Variants in MMS22L observed in about 807,000 individuals in gnomAD.
The protein encoded by MMS22L is protein MMS22-like.
In MMS22L, 74 loss-of-function variants were observed where a neutral mutation model predicts 159.1. That is an observed-to-expected ratio of 0.47 (90% CI 0.39 to 0.56). MMS22L has a LOEUF of 0.56. Among genes scored for constraint, MMS22L ranks in the 20% least tolerant of loss-of-function variants. The pLI is 0.00. For synonymous variants in MMS22L, 517 were observed against 506.9 expected (o/e 1.02, Z -0.27); for missense variants, 1,351 against 1,422.1 (o/e 0.95, Z 0.80).
rs1485325257 is a variant in MMS22L at position 97,144,510 on chromosome 6, A to G, written c.*2296T>C. On this transcript the variant is annotated 3_prime_UTR_variant, in exon 25 of 25. Transcript: ENST00000683635. ...CCATTGTGGAAATGATGGGAAGATAAAAGAAAATACAATTGTCACAGAGAG... is the reference window on the plus strand; with the variant it reads ...CCATTGTGGAAATGATGGGAAGATAGAAGAAAATACAATTGTCACAGAGAG... 6.6e-6 allele frequency: 1 copy of G among 152,320 alleles called. No individual in the cohort carries two copies. Among genetic ancestry groups the G allele is most frequent in the Non-Finnish European group, 1.5e-5 (1 of 68,124 alleles). The allele number at this position is 152,320 out of a possible 1,614,324, so 9.4% of individuals were successfully genotyped here. A position where few individuals can be genotyped will look rare whatever the true frequency, so the allele number is the denominator to read the frequency against.
intron 14 of MMS22L, among the ~76,000 whole-genome samples, chr6:97,195,812 CTAAT>C (rs1806432461): frequency 6.6e-6 from 1 of 152,068 alleles, no homozygotes; most frequent in Admixed American, 6.6e-5. Context: ...ATAAAAGAAA[CTAAT>C]TAAGAAGCTT....
chr6:97,259,062 CA>C (rs1286510422), intron 9 of MMS22L: 1 of 152,102 alleles, frequency 6.6e-6, no homozygotes, highest in African/African-American at 2.4e-5. Flanking sequence ...CCACCAATCT[CA>C]ATAGTTTGTC....
chr6:97,222,811 T>C (rs537297345), intron 14 of MMS22L, among the ~76,000 whole-genome samples: 2 of 152,182 alleles, frequency 1.3e-5, no homozygotes, highest in African/African-American at 4.8e-5. Flanking sequence ...AGGTTTATAA[T>C]GGAAATGCTG....
intron 9 of MMS22L, among the ~76,000 whole-genome samples, chr6:97,262,657 C>A (rs370199767): frequency 8.4e-3 from 888 of 105,708 alleles, no homozygotes; most frequent in African/African-American, 0.01. Flanking sequence ...AAGACTGCCT[C>A]AAAAAAAAAA....
At position 97,165,276 on chromosome 6, in the gene MMS22L, G is replaced by A. The variant is rs1210944608; in HGVS notation, c.3191C>T (p.Ser1064Phe). The change falls in exon 21 of 25, where the codon TCT (serine) becomes TTT (phenylalanine). Residue 1064 changes from serine (S) to phenylalanine (F), a missense_variant. By Grantham distance (155) the Ser-to-Phe change is radical. Transcript: ENST00000683635. ...RNTATIPPIS[S>F]LKKCIVQVIR... ...GACTTGCACAATGCATTTCTTTAGA[G>A]ATGATATTGGTGGAATAGTGGCTGT... 2.5e-6 allele frequency: 4 copies of A among 1,613,062 alleles called. No individual in the cohort carries two copies. Among genetic ancestry groups the A allele is most frequent in the Non-Finnish European group, 3.4e-6 (4 of 1,179,380 alleles).
Position 97,282,366 on chromosome 6 carries a change from C to A in MMS22L, c.112G>T (p.Gly38Ter). The A allele has an allele frequency of 6.2e-7, 1 of 1,614,124 alleles. No individual in the cohort carries two copies. Among genetic ancestry groups the A allele is most frequent in the Admixed American group, 1.7e-5 (1 of 60,016 alleles). Reference sequence around the variant, plus strand: ...GATTCTCCAGAAAAATGTTTTCCTCCTCCTCTGTTGTCAACAGCACAAGAA... The same window carrying A: ...GATTCTCCAGAAAAATGTTTTCCTCATCCTCTGTTGTCAACAGCACAAGAA... ...YFSCAVDNRG[G>*]GKHFSGESYL... The change falls in exon 2 of 25, where the codon GGA becomes TGA. Residue 38 changes from glycine (G) to a stop codon, truncating the protein, a stop_gained. Transcript: ENST00000683635. LOFTEE classifies it high-confidence loss of function.
intron 14 of MMS22L, among the ~76,000 whole-genome samples, chr6:97,211,684 C>T (rs563316304): frequency 7.6e-4 from 115 of 152,156 alleles, no homozygotes; most frequent in Non-Finnish European, 1.4e-3. Context: ...CTTCTATTCC[C>T]ATTCTCTGAC....
At chr6:97,151,672 T>A in intron 23 of MMS22L, 99 bp downstream of exon 23, 1 of 897,906 alleles carries the variant, frequency 1.1e-6, no homozygotes, top group East Asian at 2.5e-5. Context: ...AAACAAGTAG[T>A]AACACATTAT....
intron 11 of MMS22L, among the ~76,000 whole-genome samples, chr6:97,234,319 TA>T (rs1273763944): frequency 6.6e-6 from 1 of 152,162 alleles, no homozygotes; most frequent in Non-Finnish European, 1.5e-5. Flanking sequence ...AAAAATGATG[TA>T]ACGATTAAGA....
At chr6:97,168,885 T>C (rs1803246113) in intron 19 of MMS22L, among the ~76,000 whole-genome samples, 1 of 152,124 alleles carries the variant, frequency 6.6e-6, no homozygotes, top group South Asian at 2.1e-4. Context: ...TGTAGGATTA[T>C]ACATTATGGT....
chr6:97,246,114 G>T (rs1812612646), intron 11 of MMS22L: 1 of 438,750 alleles, frequency 2.3e-6, no homozygotes, highest in African/African-American at 2.0e-5. Flanking sequence ...TTAAAAGGAG[G>T]TCAAGTCTGA....
At position 97,145,296 on chromosome 6, in the gene MMS22L, C is replaced by T. The variant is rs1022145485; in HGVS notation, c.*1510G>A. On this transcript the variant is annotated 3_prime_UTR_variant, in exon 25 of 25. Transcript: ENST00000683635. ...GACCATTTATATGTTATGAAAATAA[C>T]AGACACTCCTTTGGATTTCACAGAT... The T allele has an allele frequency of 6.6e-6, 1 of 152,118 alleles. No individual in the cohort carries two copies. The highest frequency in any genetic ancestry group is 2.4e-5 in the African/African-American group (1 of 41,410). The allele number at this position is 152,118 out of a possible 1,614,324, so 9.4% of individuals were successfully genotyped here.
intron 22 of MMS22L, among the ~76,000 whole-genome samples, chr6:97,153,363 TC>T (rs1801514179): frequency 7.5e-5 from 9 of 120,758 alleles, no homozygotes; most frequent in South Asian, 3.0e-4. Flanking sequence ...TCTCTACAGA[TC>T]TTTTTTTTTT....
At chr6:97,227,454 T>C (rs13219469) in intron 14 of MMS22L, among the ~76,000 whole-genome samples, 6,129 of 152,218 alleles carry the variant, frequency 0.04, 141 homozygotes, top group Middle Eastern at 0.071. Flanking sequence ...AAACCAAAAC[T>C]GATATTGGAA....
intron 12 of MMS22L, among the ~76,000 whole-genome samples, chr6:97,232,320 T>G (rs993406300): frequency 1.3e-5 from 2 of 152,184 alleles, no homozygotes; most frequent in Admixed American, 1.3e-4. Context: ...ATTGCCCAGA[T>G]GCCTTATTTC....
intron 22 of MMS22L, among the ~76,000 whole-genome samples, chr6:97,153,108 C>T (rs1474650280): frequency 6.6e-6 from 1 of 151,902 alleles, no homozygotes; most frequent in Non-Finnish European, 1.5e-5. Flanking sequence ...TCCCAAAGCA[C>T]TGGGATTACA....
At chr6:97,281,387 C>T in intron 2 of MMS22L, 25 bp from the exon 3 acceptor site, 2 of 1,564,566 alleles carry the variant, frequency 1.3e-6, no homozygotes, top group African/African-American at 2.7e-5. Flanking sequence ...GTTTCAATCT[C>T]ATAAAAAGTA....
At chr6:97,200,920 A>G (rs1807075636) in intron 14 of MMS22L, among the ~76,000 whole-genome samples, 1 of 152,182 alleles carries the variant, frequency 6.6e-6, no homozygotes, top group Non-Finnish European at 1.5e-5. Flanking sequence ...AAGTAGTTCA[A>G]AATAAATCTT....
At position 97,143,299 on chromosome 6, in the gene MMS22L, A is replaced by G. The variant is rs1008279604; in HGVS notation, c.*3507T>C. ...ATACAGTTTCCATGCTGTAAACTGA[A>G]TGAGGCTGAGTGTAGGATGAACATG... is the stretch of plus-strand genomic sequence containing the variant. On this transcript the variant is annotated 3_prime_UTR_variant, in exon 25 of 25. Coordinates refer to ENST00000683635, the MANE Select transcript of MMS22L (RefSeq NM_001350599.2). 7 of 152,160 alleles carry G rather than the reference A, an allele frequency of 4.6e-5. No individual in the cohort carries two copies. The highest frequency in any genetic ancestry group is 1.4e-4 in the African/African-American group (6 of 41,456). 9.4% of individuals were successfully genotyped at this position (152,160 alleles called of 1,614,324 possible). A position where few individuals can be genotyped will look rare whatever the true frequency, so the allele number is the denominator to read the frequency against.
Sources: allele counts gnomAD v4.1 joint callset (sites outside exome capture counted in the v4.1 genomes callset), GRCh38; gene constraint gnomAD v4.1.1; transcripts MANE v1.5; gene names NCBI Gene and HGNC (gene_info 2026-07-23, HGNC 2026-07-21).